MYO18B: variants seen among roughly 807,000 people sequenced by gnomAD.
MYO18B encodes unconventional myosin-XVIIIb.
Under a neutral mutation model 273.0 loss-of-function variants are expected in MYO18B, and 204 were observed. The ratio of observed to expected loss-of-function variants is 0.75; its 90% CI spans 0.67 to 0.84. The LOEUF is 0.84. MYO18B is among the 40% of genes least tolerant of loss of function. MYO18B has a pLI of 0.00. For synonymous variants in MYO18B, 1,330 were observed against 1,305.7 expected (o/e 1.02, Z -0.40); for missense variants, 3,212 against 3,287.6 (o/e 0.98, Z 0.56).
intron 7 of MYO18B, 121 bp downstream of exon 7, chr22:25,772,631 AGCATCCTTCTCGCG>A: frequency 2.0e-6 from 2 of 1,006,046 alleles, no homozygotes; most frequent in Non-Finnish European, 2.8e-6. Context: ...GTCTGCAAGC[AGCATCCTTCTCGCG>A]GCATTGTGGC....
In MYO18B at chr22:25,883,387, A is replaced by C. The variant is rs1170387993; in HGVS notation, c.4314+5339A>C. ...TGGTTCTCACACTTGCAAATGTGTCAGAATGCCCTGTAAGACTTCTCCGAA... is the reference window on the plus strand; with the variant it reads ...TGGTTCTCACACTTGCAAATGTGTCCGAATGCCCTGTAAGACTTCTCCGAA... On this transcript the variant is annotated intron_variant, in intron 25 of 43. Transcript: ENST00000335473. This position sits in a 1 kb window ranked among gnomAD's most constrained non-coding sequence, Gnocchi z 7.6. The C allele has an allele frequency of 6.6e-6, 1 of 152,238 alleles. No homozygotes were observed. Among genetic ancestry groups the C allele is most frequent in the Admixed American group, 6.5e-5 (1 of 15,284 alleles). 9.4% of individuals were successfully genotyped at this position (152,238 alleles called of 1,614,324 possible).
intron 25 of MYO18B, among the ~76,000 whole-genome samples, chr22:25,885,500 G>A (rs180787870): frequency 4.6e-5 from 7 of 152,280 alleles, no homozygotes; most frequent in Admixed American, 1.3e-4. Flanking sequence ...GAGCAGAGGC[G>A]GAGAGCAGAA....
At chr22:25,846,358 T>G in intron 19 of MYO18B, 75 bp downstream of exon 19, 6 of 1,512,194 alleles carry the variant, frequency 4.0e-6, no homozygotes, top group Non-Finnish European at 5.4e-6. Context: ...CTGAGTCATG[T>G]GCCTACATCA....
At chr22:25,760,347 G>T (rs1422410477) in intron 1 of MYO18B, among the ~76,000 whole-genome samples, 2 of 144,756 alleles carry the variant, frequency 1.4e-5, no homozygotes, top group Non-Finnish European at 3.0e-5. Context: ...GGGAGGTGGA[G>T]GTTGCAGTGA....
intron 39 of MYO18B, 120 bp from the exon 40 acceptor site, chr22:25,992,243 C>T (rs1601777665): frequency 1.6e-6 from 2 of 1,250,316 alleles, no homozygotes; most frequent in African/African-American, 3.0e-5. Context: ...GAGAACTTAC[C>T]ACTTCATAGG....
At chr22:26,049,721 G>A in the MYO18B span, among the ~76,000 whole-genome samples, 2 of 152,130 alleles carry the variant, frequency 1.3e-5, no homozygotes, top group African/African-American at 4.8e-5. Context: ...TAATCACTGG[G>A]CCGGGACTCC....
chr22:25,749,065 T>A (rs1316310348), intron 1 of MYO18B, among the ~76,000 whole-genome samples: 1 of 152,128 alleles, frequency 6.6e-6, no homozygotes, highest in Non-Finnish European at 1.5e-5. Context: ...CTTCTTCCAC[T>A]CAGCCCAGAT....
intron 21 of MYO18B, among the ~76,000 whole-genome samples, chr22:25,854,138 G>A (rs1238036488): frequency 6.6e-6 from 1 of 152,166 alleles, no homozygotes; most frequent in African/African-American, 2.4e-5. Flanking sequence ...ATGGGTCTTG[G>A]TGAAGTCCCC....
intron 40 of MYO18B, among the ~76,000 whole-genome samples, chr22:25,993,593 T>C (rs1932925877): frequency 6.6e-6 from 1 of 152,082 alleles, no homozygotes; most frequent in Admixed American, 6.5e-5. Context: ...TTTAGAGAAG[T>C]TCAAGGTCAC....
intron 12 of MYO18B, among the ~76,000 whole-genome samples, chr22:25,813,184 C>T (rs2088840859): frequency 1.0e-5 from 1 of 98,610 alleles, no homozygotes. Flanking sequence ...CTTCTTCTTC[C>T]TTTTTTTTTT....
intron 12 of MYO18B, among the ~76,000 whole-genome samples, chr22:25,815,425 C>T (rs1462564830): frequency 1.3e-5 from 2 of 152,204 alleles, no homozygotes; most frequent in East Asian, 3.8e-4. Context: ...GGTTGGGTCA[C>T]CTGCTCTGGG....
At chr22:26,021,830 C>T (rs1053459494) in intron 42 of MYO18B, among the ~76,000 whole-genome samples, 6 of 152,184 alleles carry the variant, frequency 3.9e-5, no homozygotes, top group African/African-American at 1.2e-4. Context: ...TAGGAGCCAT[C>T]CGTTTGCTCT....
intron 12 of MYO18B, among the ~76,000 whole-genome samples, chr22:25,813,522 A>T (rs913701547): frequency 2.0e-5 from 3 of 152,146 alleles, no homozygotes. Flanking sequence ...GGTCAGCTCC[A>T]CTCAAGGGTT....
the MYO18B span, among the ~76,000 whole-genome samples, chr22:26,036,802 C>T: frequency 6.6e-6 from 1 of 152,204 alleles, no homozygotes; most frequent in Non-Finnish European, 1.5e-5. Context: ...TCCCTTAAAG[C>T]ACAGTGGCCT....
At chr22:25,837,174 G>A (rs1019562668) in intron 17 of MYO18B, among the ~76,000 whole-genome samples, 2 of 152,080 alleles carry the variant, frequency 1.3e-5, no homozygotes, top group African/African-American at 2.4e-5. Flanking sequence ...GCAGAGAAGA[G>A]ACAGTAAGGC....
chr22:25,996,139 C>T (rs1472762695), intron 40 of MYO18B, among the ~76,000 whole-genome samples: 1 of 152,192 alleles, frequency 6.6e-6, no homozygotes, highest in African/African-American at 2.4e-5. Context: ...TTAATTTCTG[C>T]GTGACCTTGG....
chr22:25,853,191 A>G (rs1300140614), intron 21 of MYO18B, among the ~76,000 whole-genome samples: 1 of 152,214 alleles, frequency 6.6e-6, no homozygotes, highest in African/African-American at 2.4e-5. Flanking sequence ...GCGATGACAC[A>G]CAAGCCTCAC....
intron 42 of MYO18B, 32 bp from the exon 43 acceptor site, chr22:26,026,413 T>A (rs766229259): frequency 5.1e-6 from 8 of 1,574,674 alleles, no homozygotes; most frequent in Non-Finnish European, 6.9e-6. Context: ...ATTGCACAAT[T>A]TCTACAGACT....
intron 34 of MYO18B, among the ~76,000 whole-genome samples, chr22:25,923,142 G>A (rs1489301870): frequency 6.6e-6 from 1 of 152,210 alleles, no homozygotes; most frequent in Non-Finnish European, 1.5e-5. Context: ...CTCATGAATA[G>A]AGCGAGTTTA....
Sources: allele counts gnomAD v4.1 joint callset (sites outside exome capture counted in the v4.1 genomes callset), GRCh38; gene constraint gnomAD v4.1.1; non-coding constraint Gnocchi (gnomAD v3.1); transcripts MANE v1.5; gene names NCBI Gene and HGNC (gene_info 2026-07-23, HGNC 2026-07-21).